Variants in FCHSD2 observed in about 807,000 individuals in gnomAD.
The protein encoded by FCHSD2 is F-BAR and double SH3 domains protein 2.
In FCHSD2, 38 loss-of-function variants were observed where a neutral mutation model predicts 108.1. The ratio of observed to expected loss-of-function variants is 0.35; its 90% CI spans 0.27 to 0.46. The LOEUF is 0.46. FCHSD2 is among the 20% of genes least tolerant of loss of function. The probability of loss-of-function intolerance (pLI) is 1.00; values close to 1 mark genes in which losing one functional copy is unlikely to be tolerated. For synonymous variants in FCHSD2, 279 were observed against 314.7 expected, an observed-to-expected ratio of 0.89 and a Z score of 1.20; for missense variants, 751 against 897.8, an observed-to-expected ratio of 0.84 and a Z score of 2.09.
At chr11:73,131,165 T>A (rs1860987240) in intron 2 of FCHSD2, among the ~76,000 whole-genome samples, 1 of 151,246 alleles carries the variant, frequency 6.6e-6, no homozygotes, top group African/African-American at 2.4e-5. Context: ...GCAGATCACT[T>A]GAGACCAGGA....
intron 3 of FCHSD2, among the ~76,000 whole-genome samples, chr11:73,066,244 G>A (rs923866998): frequency 2.0e-5 from 3 of 152,092 alleles, no homozygotes; most frequent in African/African-American, 7.2e-5. Flanking sequence ...ACAAGCAATG[G>A]GGAAAAGATT....
At chr11:72,889,029 A>G (rs1855258929) in intron 11 of FCHSD2, among the ~76,000 whole-genome samples, 1 of 152,030 alleles carries the variant, frequency 6.6e-6, no homozygotes, top group Admixed American at 6.6e-5. Context: ...ATCTCAGCTC[A>G]CTGCAAGCTC....
At chr11:73,119,080 T>C (rs1187599941) in intron 2 of FCHSD2, among the ~76,000 whole-genome samples, 3 of 152,190 alleles carry the variant, frequency 2.0e-5, no homozygotes, top group African/African-American at 7.2e-5. Context: ...GGCAGATGGA[T>C]AGCTCAAGCT....
intron 2 of FCHSD2, among the ~76,000 whole-genome samples, chr11:73,125,192 T>C (rs1433108629): frequency 6.6e-6 from 1 of 152,244 alleles, no homozygotes; most frequent in Non-Finnish European, 1.5e-5. Flanking sequence ...ACCTGTATGT[T>C]GGTTTCAGGA....
chr11:73,022,914 C>G (rs1168225109), intron 3 of FCHSD2, among the ~76,000 whole-genome samples: 1 of 152,018 alleles, frequency 6.6e-6, no homozygotes, highest in Non-Finnish European at 1.5e-5. Flanking sequence ...TGATTTTTCA[C>G]AAAGGGGCAA....
At chr11:72,921,200 A>C (rs1855970479) in intron 9 of FCHSD2, among the ~76,000 whole-genome samples, 1 of 152,248 alleles carries the variant, frequency 6.6e-6, no homozygotes, top group African/African-American at 2.4e-5. Flanking sequence ...AACATTTGCC[A>C]ACCACAGGAA....
chr11:73,096,537 C>CAAAGGAAAGG (rs1279443176), intron 2 of FCHSD2, among the ~76,000 whole-genome samples: 4 of 151,376 alleles, frequency 2.6e-5, no homozygotes, highest in African/African-American at 9.7e-5. Flanking sequence ...GGTGGCAGAG[C>CAAAGGAAAGG]AAAGGAAAGG....
intron 5 of FCHSD2, among the ~76,000 whole-genome samples, chr11:72,998,163 T>A (rs1857556094): frequency 6.6e-6 from 1 of 152,168 alleles, no homozygotes; most frequent in African/African-American, 2.4e-5. Context: ...AAGTCATAAA[T>A]GAGAGTTAAA....
At chr11:72,942,541 G>A (rs1241144207) in intron 8 of FCHSD2, among the ~76,000 whole-genome samples, 1 of 152,260 alleles carries the variant, frequency 6.6e-6, no homozygotes, top group African/African-American at 2.4e-5. Flanking sequence ...AGATTAGAAG[G>A]ATATGCCAAG....
chr11:72,914,128 CCTCAGCCTCCCGAGCAGCTG>C (rs1485337507), intron 9 of FCHSD2, among the ~76,000 whole-genome samples: 33 of 152,252 alleles, frequency 2.2e-4, no homozygotes, highest in African/African-American at 7.9e-4. Flanking sequence ...GATTCTCCTG[CCTCAGCCTCCCGAGCAGCTG>C]GGACTACAGA....
chr11:72,962,418 T>C (rs1387644729), intron 8 of FCHSD2, among the ~76,000 whole-genome samples: 1 of 152,198 alleles, frequency 6.6e-6, no homozygotes, highest in African/African-American at 2.4e-5. Context: ...CTTTGATTCC[T>C]CAATAATTTT....
intron 3 of FCHSD2, 131 bp from the exon 4 acceptor site, chr11:73,016,016 T>C: frequency 3.3e-6 from 2 of 605,636 alleles, no homozygotes; most frequent in Non-Finnish European, 2.9e-6. Context: ...AAAAAAACAA[T>C]GATAGGCTGC....
intron 2 of FCHSD2, among the ~76,000 whole-genome samples, chr11:73,114,890 G>A (rs1591565561): frequency 6.6e-6 from 1 of 152,114 alleles, no homozygotes; most frequent in Non-Finnish European, 1.5e-5. Flanking sequence ...CAAAACTGAG[G>A]GAGGGGTGGC....
At chr11:73,086,755 T>C (rs1023683602) in intron 2 of FCHSD2, among the ~76,000 whole-genome samples, 2 of 152,210 alleles carry the variant, frequency 1.3e-5, no homozygotes, top group Non-Finnish European at 1.5e-5. Flanking sequence ...CAGAGTATTA[T>C]AAGCAACTGT....
chr11:72,897,290 C>T (rs898393726), intron 10 of FCHSD2, among the ~76,000 whole-genome samples: 5 of 145,000 alleles, frequency 3.4e-5, no homozygotes, highest in South Asian at 2.2e-4. Flanking sequence ...TTCAACCAAC[C>T]GTGGATCAAA....
rs959324869 is a variant in FCHSD2 at position 73,132,058 on chromosome 11, T to C, written c.119+7973A>G. Among the ~76,000 whole-genome samples the C allele has an allele frequency of 5.3e-5, 8 of 152,360 alleles. No individual in the cohort carries two copies. The East Asian group carries it at 1.5e-3, about 29-fold the overall frequency. ...ACATTTGTATTCCAACCATTGTCTC[T>C]GGGATTTTCTTACAAGATTGCTGAT... is the stretch of plus-strand genomic sequence containing the variant. On this transcript the variant is annotated intron_variant, in intron 2 of 19. Transcript: ENST00000409418.
intron 3 of FCHSD2, among the ~76,000 whole-genome samples, chr11:73,077,370 C>T (rs1445060152): frequency 6.6e-6 from 1 of 152,020 alleles, no homozygotes; most frequent in African/African-American, 2.4e-5. Context: ...AATACTACTA[C>T]ACATCTATCA....
At chr11:73,117,697 T>C (rs151308853) in intron 2 of FCHSD2, among the ~76,000 whole-genome samples, 2,372 of 152,322 alleles carry the variant, frequency 0.016, 34 homozygotes, top group South Asian at 0.022. Context: ...TTCAATCACA[T>C]TGTAAAGAAT....
At chr11:73,063,675 G>C (rs1859220386) in intron 3 of FCHSD2, among the ~76,000 whole-genome samples, 1 of 152,114 alleles carries the variant, frequency 6.6e-6, no homozygotes, top group Admixed American at 6.5e-5. Context: ...AACCAACAAA[G>C]ATTGAAAGAG....
Sources: gnomAD v4.1 joint callset for allele counts (sites outside exome capture counted in the v4.1 genomes callset) on GRCh38, gnomAD v4.1.1 for gene constraint, MANE v1.5 for transcripts, NCBI Gene and HGNC (gene_info 2026-07-23, HGNC 2026-07-21) for gene names.